PXDNL: variants seen among roughly 807,000 people sequenced by gnomAD.
PXDNL encodes peroxidasin like.
In PXDNL, 145 loss-of-function variants were observed where a neutral mutation model predicts 150.8. The observed-to-expected ratio is 0.96, with a 90% confidence interval of 0.84 to 1.10. The LOEUF is 1.10. PXDNL is among the 50% of genes least tolerant of loss of function. PXDNL has a pLI of 0.00. For synonymous variants in PXDNL, 757 were observed against 725.7 expected, an observed-to-expected ratio of 1.04 and a Z score of -0.69; for missense variants, 2,087 against 1,873.9, an observed-to-expected ratio of 1.11 and a Z score of -2.10.
chr8:51,581,671 G>A (rs1400969798), intron 3 of PXDNL, among the ~76,000 whole-genome samples: 1 of 152,060 alleles, frequency 6.6e-6, no homozygotes, highest in Non-Finnish European at 1.5e-5. Context: ...ATACTGGCTT[G>A]CAATTTTCTT....
chr8:51,415,059 C>T (rs935072876), intron 14 of PXDNL, among the ~76,000 whole-genome samples: 1 of 152,086 alleles, frequency 6.6e-6, no homozygotes, highest in Non-Finnish European at 1.5e-5. Flanking sequence ...CCTTCTTTGG[C>T]GGGGGGGAGA....
intron 17 of PXDNL, among the ~76,000 whole-genome samples, chr8:51,400,653 T>C (rs1395358743): frequency 1.3e-5 from 2 of 152,212 alleles, no homozygotes; most frequent in Non-Finnish European, 2.9e-5. Context: ...CAGGCATGTG[T>C]GTCTTCTGTG....
chr8:51,608,027 A>AAGAAAG, intron 2 of PXDNL, among the ~76,000 whole-genome samples: 1 of 106,538 alleles, frequency 9.4e-6, no homozygotes, highest in Non-Finnish European at 1.9e-5. Flanking sequence ...GAAAGAAAGA[A>AAGAAAG]AGAAAGAAAG....
At chr8:51,343,879 T>C (rs1032251126) in intron 20 of PXDNL, among the ~76,000 whole-genome samples, 9 of 152,182 alleles carry the variant, frequency 5.9e-5, no homozygotes, top group African/African-American at 2.2e-4. Context: ...AACACTCAAA[T>C]TATTTAAAAA....
At chr8:51,474,372 C>T (rs7002073) in intron 7 of PXDNL, among the ~76,000 whole-genome samples, 24,294 of 151,868 alleles carry the variant, frequency 0.16, 2,149 homozygotes, top group Middle Eastern at 0.24. Flanking sequence ...TGTAAGCAGC[C>T]GTAATAAATT....
intron 5 of PXDNL, among the ~76,000 whole-genome samples, chr8:51,491,239 T>A (rs192392522): frequency 1.9e-3 from 291 of 152,236 alleles, no homozygotes; most frequent in African/African-American, 5.3e-3. Context: ...TAAGTTAATA[T>A]CCCTTAATAA....
chr8:51,692,796 C>T (rs1460779816), intron 1 of PXDNL, among the ~76,000 whole-genome samples: 1 of 152,254 alleles, frequency 6.6e-6, no homozygotes, highest in Non-Finnish European at 1.5e-5. Flanking sequence ...ACTGAAAATA[C>T]TCTTTGCTTT....
At chr8:51,407,920 C>T in intron 17 of PXDNL, 147 bp downstream of exon 17, 1 of 665,832 alleles carries the variant, frequency 1.5e-6, no homozygotes. Context: ...TGAATCCTTC[C>T]TTTAATATTA....
At chr8:51,334,575 G>T (rs897142077) in intron 21 of PXDNL, among the ~76,000 whole-genome samples, 4 of 152,140 alleles carry the variant, frequency 2.6e-5, no homozygotes, top group Non-Finnish European at 4.4e-5. Context: ...CCATTAGCAA[G>T]ATTAACCAAG....
intron 1 of PXDNL, among the ~76,000 whole-genome samples, chr8:51,806,469 T>C (rs1341616435): frequency 6.6e-6 from 1 of 152,202 alleles, no homozygotes; most frequent in Non-Finnish European, 1.5e-5. Context: ...TTTCCCATAA[T>C]TGTTATTGTC....
At chr8:51,343,545 C>T (rs1296499985) in intron 20 of PXDNL, among the ~76,000 whole-genome samples, 1 of 152,134 alleles carries the variant, frequency 6.6e-6, no homozygotes, top group African/African-American at 2.4e-5. Flanking sequence ...CTGAGCTGGG[C>T]TTCAATGGGC....
chr8:51,377,149 C>T (rs570034196), intron 17 of PXDNL, among the ~76,000 whole-genome samples: 2 of 148,032 alleles, frequency 1.4e-5, no homozygotes, highest in South Asian at 2.2e-4. Context: ...CACACAAAGC[C>T]AAAGCCATTT....
At chr8:51,547,728 T>G (rs1013372766) in intron 4 of PXDNL, among the ~76,000 whole-genome samples, 1 of 152,132 alleles carries the variant, frequency 6.6e-6, no homozygotes, top group African/African-American at 2.4e-5. Context: ...ACTGAAACAG[T>G]CTACCCAAAT....
chr8:51,473,995 T>C (rs16916354), intron 7 of PXDNL, among the ~76,000 whole-genome samples: 6,013 of 152,238 alleles, frequency 0.039, 278 homozygotes, highest in East Asian at 0.25. Flanking sequence ...AACTTGACTG[T>C]GGTTTGAACT....
chr8:51,365,168 C>T (rs184066484), intron 19 of PXDNL, among the ~76,000 whole-genome samples: 176 of 152,228 alleles, frequency 1.2e-3, no homozygotes, highest in African/African-American at 3.9e-3. Flanking sequence ...AAATTCCTGG[C>T]CTCAAGTGAT....
intron 8 of PXDNL, among the ~76,000 whole-genome samples, chr8:51,471,302 T>C (rs934663593): frequency 1.3e-5 from 2 of 152,202 alleles, no homozygotes; most frequent in African/African-American, 4.8e-5. Context: ...TCACGCCAGT[T>C]AGAATGGTGA....
intron 1 of PXDNL, among the ~76,000 whole-genome samples, chr8:51,686,714 A>G (rs937331466): frequency 6.6e-6 from 1 of 152,246 alleles, no homozygotes; most frequent in Non-Finnish European, 1.5e-5. Flanking sequence ...AAAAAAATCA[A>G]ATAGTAAAAA....
chr8:51,490,274 G>T (rs1433791457), intron 5 of PXDNL, among the ~76,000 whole-genome samples: 2 of 152,194 alleles, frequency 1.3e-5, no homozygotes, highest in East Asian at 3.9e-4. Flanking sequence ...CATAGAGAAA[G>T]AAATAAAATC....
intron 17 of PXDNL, among the ~76,000 whole-genome samples, chr8:51,398,636 AG>A (rs1308191993): frequency 2.0e-5 from 3 of 152,234 alleles, no homozygotes; most frequent in Non-Finnish European, 1.5e-5. Context: ...ACCCCACATC[AG>A]CGGAGCTTAG....
Sources: gnomAD v4.1 joint callset for allele counts (sites outside exome capture counted in the v4.1 genomes callset) on GRCh38, gnomAD v4.1.1 for gene constraint, MANE v1.5 for transcripts, NCBI Gene and HGNC (gene_info 2026-07-23, HGNC 2026-07-21) for gene names.